TPT1: variants seen among roughly 807,000 people sequenced by gnomAD.
TPT1 encodes the protein tumor protein, translationally-controlled 1, also known as translationally-controlled tumor protein.
TPT1 carries 5 observed loss-of-function variants against 22.8 expected under a neutral mutation model. That is an observed-to-expected ratio of 0.22 (90% CI 0.11 to 0.46). The LOEUF is 0.46. TPT1 is among the 20% of genes least tolerant of loss of function. The pLI is 0.99. For synonymous variants in TPT1, 89 were observed against 73.6 expected (o/e 1.21, Z -1.07); for missense variants, 130 against 218.7 (o/e 0.59, Z 2.56).
rs80348587 is a variant in TPT1 at position 45,339,828 on chromosome 13, T to G, written c.293+166A>C. 62 of 795,248 alleles carry G rather than the reference T, an allele frequency of 7.8e-5. 1 individual carries two copies. Among genetic ancestry groups the G allele is most frequent in the East Asian group, 7.5e-4 (28 of 37,174 alleles). The allele number at this position is 795,248 out of a possible 1,614,324, so 49.3% of individuals were successfully genotyped here. On this transcript the variant is annotated intron_variant, in intron 3 of 5. Coordinates refer to ENST00000530705, the MANE Select transcript of TPT1 (RefSeq NM_003295.4). ...AACGGAAACAGACTGCAGGCTTCAG[T>G]ATGCTCATATTATAGAAAAGCAACC...
chr13:45,337,998 T>A (rs1878823079), intron 5 of TPT1, among the ~76,000 whole-genome samples: 1 of 152,188 alleles, frequency 6.6e-6, no homozygotes, highest in African/African-American at 2.4e-5. Context: ...CCATTATCAG[T>A]AAACCAAAGT....
intron 2 of TPT1, 121 bp downstream of exon 2, chr13:45,340,591 G>A (rs756613961): frequency 4.1e-6 from 5 of 1,214,686 alleles, no homozygotes; most frequent in South Asian, 2.6e-5. Context: ...CCCAAGCCCG[G>A]AAAGAGCGTC....
chr13:45,339,832 C>A, intron 3 of TPT1, 162 bp downstream of exon 3: 1 of 820,050 alleles, frequency 1.2e-6, no homozygotes, highest in Non-Finnish European at 1.9e-6. Flanking sequence ...CTTCAGTATG[C>A]TCATATTATA....
intron 3 of TPT1, 60 bp downstream of exon 3, chr13:45,339,933 AG>A: frequency 1.9e-6 from 3 of 1,566,744 alleles, no homozygotes; most frequent in Non-Finnish European, 2.6e-6. Flanking sequence ...CTCAAAAGTT[AG>A]CCAATCTTTA....
At position 45,338,684 on chromosome 13, in the gene TPT1, C is replaced by T. The variant is rs147579094; in HGVS notation, c.492G>A (p.Lys164=). The T allele has an allele frequency of 3.0e-3, 4,920 of 1,613,412 alleles. 8 individuals are homozygous for T. The highest frequency in any genetic ancestry group is 9.7e-3 in the Middle Eastern group (59 of 6,058). ...DGVTPYMIFF[K]DGLEMEKC ...CACATTTTTCCATTTCTAAACCATC[C>T]TTAAAGAAAATCATATATGGGGTCA... The change falls in exon 5 of 6, where the codon AAG becomes AAA. Residue 164 remains lysine, a synonymous_variant. Transcript: ENST00000530705.
In TPT1 at chr13:45,335,839, C is replaced by T. The variant is rs925286805; in HGVS notation, c.*1547G>A. 6.6e-6 allele frequency: 1 copy of T among 152,224 alleles called. No individual in the cohort carries two copies. The highest frequency in any genetic ancestry group is 1.5e-5 in the Non-Finnish European group (1 of 68,090). The allele number at this position is 152,224 out of a possible 1,614,324, so 9.4% of individuals were successfully genotyped here. A position where few individuals can be genotyped will look rare whatever the true frequency, so the allele number is the denominator to read the frequency against. On this transcript the variant is annotated 3_prime_UTR_variant, in exon 6 of 6. Coordinates refer to ENST00000530705, the MANE Select transcript of TPT1 (RefSeq NM_003295.4). The stretch of plus-strand genomic sequence containing the variant: ...CCAATCACGGGGTGCTGGGGGTTAA[C>T]ATTAGTATCTGCCTCAGGTTTTGGA...
chr13:45,339,064 T>C (rs1566176617), intron 4 of TPT1: 8 of 333,012 alleles, frequency 2.4e-5, no homozygotes, highest in East Asian at 5.5e-5. Flanking sequence ...CGTGCTTATA[T>C]AGTCAACCAC....
rs1204444375 is a variant in TPT1, at chr13:45,334,532, T to C, written c.*2854A>G. On this transcript the variant is annotated 3_prime_UTR_variant, in exon 6 of 6. Transcript: ENST00000530705. ...CGACTTCCCACCTCAGTGCCAACTT[T>C]CTTCCAAACGCTCAGACCAAAATAC... 1 of 152,188 alleles carries C rather than the reference T, an allele frequency of 6.6e-6. No individual in the cohort carries two copies. The highest frequency in any genetic ancestry group is 1.5e-5 in the Non-Finnish European group (1 of 68,050). 9.4% of individuals were successfully genotyped at this position (152,188 alleles called of 1,614,324 possible). A position where few individuals can be genotyped will look rare whatever the true frequency, so the allele number is the denominator to read the frequency against.
rs1878593415 is a variant in TPT1, at chr13:45,335,192, A to G, written c.*2194T>C. 1 of 152,238 alleles carries G rather than the reference A, an allele frequency of 6.6e-6. No individual in the cohort carries two copies. 9.4% of individuals were successfully genotyped at this position (152,238 alleles called of 1,614,324 possible). A position where few individuals can be genotyped will look rare whatever the true frequency, so the allele number is the denominator to read the frequency against. On this transcript the variant is annotated 3_prime_UTR_variant, in exon 6 of 6. Transcript: ENST00000530705. ...ACGAGAAAAAGATATAAAATGAGAC[A>G]GTCTTCAAAGTCTGAGAAGATTCTA...
At position 45,341,076 on chromosome 13, in the gene TPT1, G is replaced by A. The variant is rs768891040; in HGVS notation, c.-7C>T. 11 of 1,613,240 alleles carry A rather than the reference G, an allele frequency of 6.8e-6. No individual in the cohort carries two copies. The highest frequency in any genetic ancestry group is 6.7e-5 in the Admixed American group (4 of 59,952). On this transcript the variant is annotated 5_prime_UTR_variant, in exon 1 of 6. Transcript: ENST00000530705. ...GGTCCCGGTAGATAATCATGATGGC[G>A]ACTGAAGGGAGACGACGACGGCGCT...
chr13:45,340,680 G>C (rs760708787), intron 2 of TPT1, 32 bp downstream of exon 2: 6 of 1,561,052 alleles, frequency 3.8e-6, no homozygotes, highest in Admixed American at 3.8e-5. Context: ...GCTCGGCCCG[G>C]ACTCCCCCAC....
rs555422321 is a variant in TPT1 at position 45,336,812 on chromosome 13, A to G, written c.*574T>C. 6.5e-5 allele frequency: 10 copies of G among 153,248 alleles called. No individual in the cohort carries two copies. The highest frequency in any genetic ancestry group is 2.4e-4 in the African/African-American group (10 of 41,576). 9.5% of individuals were successfully genotyped at this position (153,248 alleles called of 1,614,324 possible). A position where few individuals can be genotyped will look rare whatever the true frequency, so the allele number is the denominator to read the frequency against. On this transcript the variant is annotated 3_prime_UTR_variant, in exon 6 of 6. Transcript: ENST00000530705. Reference sequence around the variant, plus strand: ...GTTCTAGTTACCAGGGAGTTTAATTAACATTCATCCCAAAAGACTTCGCTC... The same window carrying G: ...GTTCTAGTTACCAGGGAGTTTAATTGACATTCATCCCAAAAGACTTCGCTC...
In TPT1 at chr13:45,339,610, A is replaced by AGGTTGAAGTATTG; in HGVS notation, c.294-9_294-8insCAATACTTCAACC. Reference sequence around the variant, plus strand: ...TCAAGTTTCCCTTTGATTCTAAAACAACATTTCATTAACAGGTTGAAGTAT... The same window carrying AGGTTGAAGTATTG: ...TCAAGTTTCCCTTTGATTCTAAAACAGGTTGAAGTATTGACATTTCATTAACAGGTTGAAGTAT... On this transcript the variant is annotated splice_polypyrimidine_tract_variant and intron_variant, in intron 3 of 5. Transcript: ENST00000530705. 1 of 1,603,542 alleles carries AGGTTGAAGTATTG rather than the reference A, an allele frequency of 6.2e-7. No individual in the cohort carries two copies. The highest frequency in any genetic ancestry group is 8.5e-7 in the Non-Finnish European group (1 of 1,173,102).
Position 45,339,559 on chromosome 13 carries a change from G to C in TPT1, c.337C>G (p.Pro113Ala). ...TGTTCTGCAGCCCCTGTCATAAAAG[G>C]TTTTACTCTTTCTGGTCTCTGTTCT... ...LEEQRPERVK[P>A]FMTGAAEQIK... Residue 113 changes from proline (P) to alanine (A), a missense_variant, in exon 4 of 6, where the codon CCT becomes GCT. Physicochemically the swap from Pro to Ala is conservative, Grantham distance 27. Transcript: ENST00000530705. 3.1e-6 allele frequency: 5 copies of C among 1,613,706 alleles called. No homozygotes were observed. The highest frequency in any genetic ancestry group is 4.2e-6 in the Non-Finnish European group (5 of 1,179,888).
intron 4 of TPT1, 192 bp from the exon 5 acceptor site, chr13:45,338,968 A>G (rs913484230): frequency 8.2e-6 from 4 of 489,182 alleles, no homozygotes; most frequent in Admixed American, 3.9e-5. Context: ...ACCTAAATAG[A>G]AAAATAACGT....
At chr13:45,340,672 T>TCG in intron 2 of TPT1, 40 bp downstream of exon 2, 1 of 1,557,306 alleles carries the variant, frequency 6.4e-7, no homozygotes, top group African/African-American at 1.4e-5. Flanking sequence ...CCGAGCCCGC[T>TCG]CGGCCCGGAC....
In TPT1 at chr13:45,337,672, C is replaced by A. The variant is rs1331478618; in HGVS notation, c.517-284G>T. On this transcript the variant is annotated intron_variant, in intron 5 of 5. Transcript: ENST00000530705. ...AAGGCTGTGGCATGTACCACCCACA[C>A]CCTGCTCTACCAACAAAAACCTCAG... The A allele has an allele frequency of 5.1e-6, 5 of 985,484 alleles. No homozygotes were observed. The East Asian group carries it at 1.2e-4, about 24-fold the overall frequency. The allele number at this position is 985,484 out of a possible 1,614,324, so 61.0% of individuals were successfully genotyped here.
intron 2 of TPT1, chr13:45,340,436 G>T (rs1879018109): frequency 1.4e-6 from 1 of 738,702 alleles, no homozygotes; most frequent in South Asian, 1.5e-5. Flanking sequence ...GCCTCCGGTT[G>T]GTAAGTGGGG....
Position 45,334,170 on chromosome 13 carries a change from C to T in TPT1, c.*3216G>A, listed in dbSNP as rs1878535216. 6.6e-6 allele frequency: 1 copy of T among 152,152 alleles called. No individual in the cohort carries two copies. The highest frequency in any genetic ancestry group is 1.5e-5 in the Non-Finnish European group (1 of 68,072). The allele number at this position is 152,152 out of a possible 1,614,324, so 9.4% of individuals were successfully genotyped here. ...CAAGCGATCCTCCCCACTCAGCCTCCCAAATTCCTGGGGCTACAGGCATGA... is the reference window on the plus strand; with the variant it reads ...CAAGCGATCCTCCCCACTCAGCCTCTCAAATTCCTGGGGCTACAGGCATGA... On this transcript the variant is annotated 3_prime_UTR_variant, in exon 6 of 6. Transcript: ENST00000530705.
Sources: allele counts gnomAD v4.1 joint callset (sites outside exome capture counted in the v4.1 genomes callset), GRCh38; gene constraint gnomAD v4.1.1; transcripts MANE v1.5; gene names NCBI Gene and HGNC (gene_info 2026-07-23, HGNC 2026-07-21).